ESCO2: variants seen among roughly 807,000 people sequenced by gnomAD.
ESCO2 encodes the protein establishment of sister chromatid cohesion N-acetyltransferase 2, also known as N-acetyltransferase ESCO2.
ESCO2 carries 51 observed loss-of-function variants against 61.7 expected under a neutral mutation model. The ratio of observed to expected loss-of-function variants is 0.83; its 90% CI spans 0.66 to 1.04. The LOEUF (loss-of-function observed/expected upper bound fraction) is 1.04. ESCO2 is among the 50% of genes least tolerant of loss of function. The probability of loss-of-function intolerance (pLI) is 0.00; values close to 1 mark genes in which losing one functional copy is unlikely to be tolerated. For missense variants in ESCO2, 692 were observed against 686.2 expected (o/e 1.01, Z -0.09); for synonymous variants, 230 against 238.2 (o/e 0.97, Z 0.32).
chr8:27,784,017 G>C lies in ESCO2; in HGVS notation c.973G>C (p.Val325Leu), dbSNP rs1804981562. The C allele has an allele frequency of 6.2e-7, 1 of 1,613,498 alleles. No homozygotes were observed. The highest frequency in any genetic ancestry group is 8.5e-7 in the Non-Finnish European group (1 of 1,179,586). Residue 325 changes from valine (V) to leucine (L), a missense_variant, in exon 5 of 11, where the codon GTC becomes CTC. Val to Leu is a conservative substitution (Grantham distance 32). Coordinates refer to ENST00000305188, the MANE Select transcript of ESCO2 (RefSeq NM_001017420.3). Reference protein sequence around the residue: ...ENKTISPKSTVYPIFSASSVN... With the variant: ...ENKTISPKSTLYPIFSASSVN... ...CCTACCAGTTTCTCCTAAGTCCACT[G>C]TCTATCCAATCTTCAGTGCATCTTC...
At chr8:27,797,715 T>C (rs1388961662) in intron 9 of ESCO2, among the ~76,000 whole-genome samples, 1 of 152,220 alleles carries the variant, frequency 6.6e-6, no homozygotes, top group Non-Finnish European at 1.5e-5. Flanking sequence ...GTATCTACTA[T>C]AGGTTTTCGC....
rs1031221218 is a variant in ESCO2, at chr8:27,788,975, T to C, written c.1260T>C (p.Tyr420=). 1.9e-6 allele frequency: 3 copies of C among 1,614,096 alleles called. No homozygotes were observed. The highest frequency in any genetic ancestry group is 2.5e-6 in the Non-Finnish European group (3 of 1,179,994). Residue 420 remains tyrosine (Y), a synonymous_variant, in exon 7 of 11, where the codon TAT becomes TAC. Coordinates refer to ENST00000305188, the MANE Select transcript of ESCO2 (RefSeq NM_001017420.3). ...ACAGGTTTCTGGAAGGAATCAAATA[T>C]GTGGTGAGCCAAAACATAGTCTTTC... The part of the protein sequence containing the change: ...HHHRFLEGIK[Y]VGWKKERVVA...
intron 7 of ESCO2, among the ~76,000 whole-genome samples, chr8:27,789,781 CAA>C (rs905844657): frequency 3.7e-4 from 21 of 56,502 alleles, no homozygotes; most frequent in Middle Eastern, 0.012. Context: ...AACTCCATCT[CAA>C]AAAAAAAAAA....
At chr8:27,774,458 T>G (rs1804734086), upstream of ESCO2, 1 of 152,264 alleles carries the variant, frequency 6.6e-6, no homozygotes, top group Admixed American at 6.5e-5. Context: ...GGGCTGGTGC[T>G]CCACCAATCA....
chr8:27,803,276 A>G, intron 10 of ESCO2, 30 bp from the exon 11 acceptor site: 3 of 1,599,934 alleles, frequency 1.9e-6, no homozygotes, highest in Non-Finnish European at 2.6e-6. Flanking sequence ...AGTTGCTTCC[A>G]TCATTAAATC....
downstream of ESCO2, among the ~76,000 whole-genome samples, chr8:27,805,715 A>C (rs1463781606): frequency 6.6e-6 from 1 of 152,074 alleles, no homozygotes; most frequent in African/African-American, 2.4e-5. Context: ...GGTTCAAGTG[A>C]TCTTCCCGCC....
intron 9 of ESCO2, among the ~76,000 whole-genome samples, chr8:27,794,898 AT>A (rs1410786397): frequency 3.9e-5 from 6 of 151,970 alleles, no homozygotes; most frequent in Admixed American, 3.9e-4. Flanking sequence ...AAATGCCTGG[AT>A]TTATTTTATC....
At chr8:27,805,643 TC>T (rs1416719069), downstream of ESCO2, among the ~76,000 whole-genome samples, 1 of 151,976 alleles carries the variant, frequency 6.6e-6, no homozygotes, top group Admixed American at 6.6e-5. Flanking sequence ...TTTCTTTTTT[TC>T]CCCCGCCCTG....
chr8:27,816,779 C>T (rs1174437475), downstream of ESCO2, among the ~76,000 whole-genome samples: 1 of 151,802 alleles, frequency 6.6e-6, no homozygotes, highest in Non-Finnish European at 1.5e-5. Context: ...TATGTAAATA[C>T]ATATAAGTGC....
At position 27,785,371 on chromosome 8, in the gene ESCO2, C is replaced by T. The variant is rs116725126; in HGVS notation, c.1013+1314C>T. On this transcript the variant is annotated intron_variant, in intron 5 of 10. Coordinates refer to ENST00000305188, the MANE Select transcript of ESCO2 (RefSeq NM_001017420.3). ...TTCAAACCATAGCAGAAGCCTACCA[C>T]AATTAACTGATAAAAGTGTATACTA... Among the ~76,000 whole-genome samples, 326 of 152,286 alleles carry T rather than the reference C, an allele frequency of 2.1e-3. 2 individuals are homozygous for T. Among genetic ancestry groups the T allele is most frequent in the African/African-American group, 7.7e-3 (318 of 41,548 alleles).
At chr8:27,775,192 T>G (rs1804760389) in intron 1 of ESCO2, among the ~76,000 whole-genome samples, 1 of 152,204 alleles carries the variant, frequency 6.6e-6, no homozygotes, top group Non-Finnish European at 1.5e-5. Flanking sequence ...GGCAGAGGAC[T>G]GTGCTTCACC....
At chr8:27,803,050 A>G (rs1805484872) in intron 10 of ESCO2, among the ~76,000 whole-genome samples, 1 of 152,072 alleles carries the variant, frequency 6.6e-6, no homozygotes, top group East Asian at 1.9e-4. Flanking sequence ...ATGATCTTAT[A>G]TTAGTTGCTC....
At position 27,802,656 on chromosome 8, in the gene ESCO2, T is replaced by TTA. The variant is rs1286592627; in HGVS notation, c.1674-633_1674-632dup. Reference sequence around the variant, plus strand: ...ATATATATATATATATATATATATATTATATATATATATATATAGTTACTG... The same window carrying TTA: ...ATATATATATATATATATATATATATTATATATATATATATATATAGTTACTG... On this transcript the variant is annotated intron_variant, in intron 10 of 10. Transcript: ENST00000305188. Among the ~76,000 whole-genome samples, 295 of 63,452 alleles carry TTA rather than the reference T, an allele frequency of 4.6e-3. 3 individuals are homozygous for TTA. The highest frequency in any genetic ancestry group is 0.015 in the African/African-American group (218 of 14,356). The allele number at this position is 63,452 out of a possible 152,430, so 41.6% of individuals were successfully genotyped here. A position where few individuals can be genotyped will look rare whatever the true frequency, so the allele number is the denominator to read the frequency against.
chr8:27,793,777 A>G (rs935850817), intron 9 of ESCO2, among the ~76,000 whole-genome samples: 5 of 151,978 alleles, frequency 3.3e-5, no homozygotes, highest in African/African-American at 1.2e-4. Context: ...GAGCCACCGC[A>G]CCCGGCCTTT....
downstream of ESCO2, chr8:27,810,959 T>C: frequency 6.5e-7 from 1 of 1,547,660 alleles, no homozygotes; most frequent in Non-Finnish European, 8.9e-7. Context: ...TATTCATACC[T>C]TCATCATCAT....
At chr8:27,800,092 A>C (rs564159748) in intron 10 of ESCO2, among the ~76,000 whole-genome samples, 6 of 152,204 alleles carry the variant, frequency 3.9e-5, no homozygotes, top group African/African-American at 1.4e-4. Context: ...AATATAATCT[A>C]TACAAAGTAA....
At chr8:27,795,822 G>A (rs28816383) in intron 9 of ESCO2, among the ~76,000 whole-genome samples, 21,261 of 152,102 alleles carry the variant, frequency 0.14, 1,790 homozygotes, top group East Asian at 0.34. Context: ...AGCCATCCTT[G>A]CATCCAGGGA....
At chr8:27,811,846 G>A (rs1045792208), downstream of ESCO2, 1 of 152,064 alleles carries the variant, frequency 6.6e-6, no homozygotes, top group Non-Finnish European at 1.5e-5. Flanking sequence ...TCATTACAGA[G>A]GTTTTAGACT....
At chr8:27,818,180 T>C in the ESCO2 span, among the ~76,000 whole-genome samples, 1 of 152,180 alleles carries the variant, frequency 6.6e-6, no homozygotes. Flanking sequence ...AAGCCTTGGT[T>C]GTTGTAAGTC....
Sources: allele counts gnomAD v4.1 joint callset (sites outside exome capture counted in the v4.1 genomes callset), GRCh38; gene constraint gnomAD v4.1.1; transcripts MANE v1.5; gene names NCBI Gene and HGNC (gene_info 2026-07-23, HGNC 2026-07-21).